The following DHRS3 variants were observed in gnomAD, a reference collection of about 807,000 sequenced individuals.
DHRS3 encodes short-chain dehydrogenase/reductase 3.
Under a neutral mutation model 27.2 loss-of-function variants are expected in DHRS3, and 14 were observed. The ratio of observed to expected loss-of-function variants is 0.52; its 90% CI spans 0.34 to 0.81. The LOEUF is 0.81. Ranked by LOEUF, DHRS3 falls within the 30% of genes least tolerant of loss-of-function variation. DHRS3 has a pLI of 0.01. For missense variants in DHRS3, 322 were observed against 406.2 expected (o/e 0.79, Z 1.78); for synonymous variants, 165 against 175.9 (o/e 0.94, Z 0.49).
Position 12,618,165 on chromosome 1 carries a change from C to T in DHRS3, c.-817G>A, listed in dbSNP as rs995958667. Among the ~76,000 whole-genome samples, 2 of 152,148 alleles carry T rather than the reference C, an allele frequency of 1.3e-5. No individual in the cohort carries two copies. The highest frequency in any genetic ancestry group is 2.1e-4 in the South Asian group (1 of 4,828). The stretch of plus-strand genomic sequence containing the variant: ...TTAGCATTTATTGCCTTCTTTTTGT[C>T]CTTTCCAACTTGGAGAGGGTCCGGG... On this transcript the variant is annotated 5_prime_UTR_variant, in exon 1 of 6. Coordinates refer to ENST00000616661, the MANE Select transcript of DHRS3 (RefSeq NM_004753.7). This position sits in a 1 kb window ranked among gnomAD's most constrained non-coding sequence, Gnocchi z 4.2.
chr1:12,572,644 C>T, intron 5 of DHRS3, 84 bp downstream of exon 5: 1 of 1,537,306 alleles, frequency 6.5e-7, no homozygotes, highest in Non-Finnish European at 8.8e-7. Flanking sequence ...CAGCACTCCT[C>T]ATGCTCATGC....
intron 1 of DHRS3, among the ~76,000 whole-genome samples, chr1:12,611,717 G>T (rs1417299825): frequency 6.6e-6 from 1 of 152,022 alleles, no homozygotes; most frequent in East Asian, 1.9e-4. Flanking sequence ...CGGGATCTTA[G>T]GGATCATTGT....
At chr1:12,615,483 C>A (rs1190089847) in intron 1 of DHRS3, among the ~76,000 whole-genome samples, 2 of 152,214 alleles carry the variant, frequency 1.3e-5, no homozygotes, top group Non-Finnish European at 2.9e-5. Context: ...ACCCACCCCC[C>A]AATGCCATAC....
At position 12,572,776 on chromosome 1, in the gene DHRS3, G is replaced by T. The variant is rs753805002; in HGVS notation, c.776C>A (p.Ala259Asp). ...CATTGTCCATGGGAGGAGGAGGAGG[G>T]CCTGGTTGAGCTGCACAGCTTCCAC... ...RTVEAVQLNQ[A>D]LLLLPWTMHA... The change falls in exon 5 of 6, where the codon GCC becomes GAC. Residue 259 changes from alanine to aspartate, a missense_variant. Coordinates refer to ENST00000616661, the MANE Select transcript of DHRS3 (RefSeq NM_004753.7). The T allele has an allele frequency of 1.9e-6, 3 of 1,611,664 alleles. No individual in the cohort carries two copies. The highest frequency in any genetic ancestry group is 2.5e-6 in the Non-Finnish European group (3 of 1,179,088).
At chr1:12,584,678 C>G (rs1646676743) in intron 1 of DHRS3, among the ~76,000 whole-genome samples, 1 of 152,216 alleles carries the variant, frequency 6.6e-6, no homozygotes, top group Non-Finnish European at 1.5e-5. Context: ...GCCCCAGAAC[C>G]TTCCACTCAA....
chr1:12,609,098 G>A (rs1341335550), intron 1 of DHRS3, among the ~76,000 whole-genome samples: 2 of 152,206 alleles, frequency 1.3e-5, no homozygotes, highest in Non-Finnish European at 2.9e-5. Flanking sequence ...GAGGGGTTAA[G>A]CACTACTGCC....
intron 1 of DHRS3, among the ~76,000 whole-genome samples, chr1:12,606,883 A>G (rs1276702163): frequency 6.6e-6 from 1 of 152,190 alleles, no homozygotes; most frequent in African/African-American, 2.4e-5. Context: ...ATTAACCACT[A>G]CAATCCTGAA....
In DHRS3 at chr1:12,596,959, G is replaced by T. The variant is rs566118923; in HGVS notation, c.196-16293C>A. ...TATTGTGAGAAGCCGGGGTGACGAGGTCTTTGGGGATGAATAGTCCCCCCT... is the reference window on the plus strand; with the variant it reads ...TATTGTGAGAAGCCGGGGTGACGAGTTCTTTGGGGATGAATAGTCCCCCCT... On this transcript the variant is annotated intron_variant, in intron 1 of 5. Coordinates refer to ENST00000616661, the MANE Select transcript of DHRS3 (RefSeq NM_004753.7). Among the ~76,000 whole-genome samples, 5 of 152,196 alleles carry T rather than the reference G, an allele frequency of 3.3e-5. No homozygotes were observed. In the East Asian group the frequency reaches 9.7e-4, roughly 29 times the overall value.
At chr1:12,601,395 G>A (rs901811713) in intron 1 of DHRS3, among the ~76,000 whole-genome samples, 2 of 152,088 alleles carry the variant, frequency 1.3e-5, no homozygotes, top group Non-Finnish European at 2.9e-5. Context: ...TTGAATGGGA[G>A]CTGGAAAGGT....
chr1:12,616,950 C>T (rs1452550018), intron 1 of DHRS3, among the ~76,000 whole-genome samples: 1 of 152,230 alleles, frequency 6.6e-6, no homozygotes, highest in Non-Finnish European at 1.5e-5. Flanking sequence ...AGGAGCGGAT[C>T]AACTCTGAAC....
intron 2 of DHRS3, chr1:12,579,996 C>T (rs1646629580): frequency 5.2e-6 from 1 of 191,816 alleles, no homozygotes; most frequent in East Asian, 1.3e-4. Context: ...AAGAGAACTG[C>T]GTCTCTGAGC....
At chr1:12,585,205 C>CTCTGTGAG (rs1557520037) in intron 1 of DHRS3, among the ~76,000 whole-genome samples, 57 of 16,288 alleles carry the variant, frequency 3.5e-3, no homozygotes, top group Admixed American at 0.013. Flanking sequence ...GTGTGTGTGT[C>CTCTGTGAG]TGTGTATCTC....
At position 12,572,959 on chromosome 1, in the gene DHRS3, C is replaced by G. The variant is rs901288983; in HGVS notation, c.699-106G>C. 3.6e-6 allele frequency: 5 copies of G among 1,398,616 alleles called. No individual in the cohort carries two copies. The South Asian group carries it at 7.6e-5, about 21-fold the overall frequency. 86.6% of individuals were successfully genotyped at this position (1,398,616 alleles called of 1,614,324 possible). On this transcript the variant is annotated intron_variant, in intron 4 of 5. Transcript: ENST00000616661. Reference sequence around the variant, plus strand: ...TGGGTCACCCTTTGGCTTTTCCTGTCTGAGAGATTCGAGGCCTGCTTGGAA... The same window carrying G: ...TGGGTCACCCTTTGGCTTTTCCTGTGTGAGAGATTCGAGGCCTGCTTGGAA...
intron 1 of DHRS3, among the ~76,000 whole-genome samples, chr1:12,609,953 G>A (rs1366123883): frequency 6.6e-6 from 1 of 152,016 alleles, no homozygotes; most frequent in South Asian, 2.1e-4. Flanking sequence ...GTCTTTCCTC[G>A]TGTCTCCTTC....
At position 12,574,728 on chromosome 1, in the gene DHRS3, G is replaced by C. The variant is rs886114359; in HGVS notation, c.699-1875C>G. Reference sequence around the variant, plus strand: ...CCTGCCAGGGAAGCCGACAGAGGAGGCCTCAAGCACGTCTGTGCGCAGGAT... The same window carrying C: ...CCTGCCAGGGAAGCCGACAGAGGAGCCCTCAAGCACGTCTGTGCGCAGGAT... On this transcript the variant is annotated intron_variant, in intron 4 of 5. Transcript: ENST00000616661. The surrounding 1 kb of genome is among the most constrained non-coding windows in gnomAD (Gnocchi z 4.6). Among the ~76,000 whole-genome samples the C allele has an allele frequency of 6.6e-6, 1 of 152,336 alleles. No individual in the cohort carries two copies. The highest frequency in any genetic ancestry group is 2.1e-4 in the South Asian group (1 of 4,828).
At position 12,580,390 on chromosome 1, in the gene DHRS3, C is replaced by A. The variant is rs947895160; in HGVS notation, c.339+133G>T. 8 of 1,259,836 alleles carry A rather than the reference C, an allele frequency of 6.4e-6. No homozygotes were observed. In the African/African-American group the frequency reaches 1.0e-4, roughly 16 times the overall value. The allele number at this position is 1,259,836 out of a possible 1,614,324, so 78.0% of individuals were successfully genotyped here. A position where few individuals can be genotyped will look rare whatever the true frequency, so the allele number is the denominator to read the frequency against. On this transcript the variant is annotated intron_variant, in intron 2 of 5. Coordinates refer to ENST00000616661, the MANE Select transcript of DHRS3 (RefSeq NM_004753.7). Reference sequence around the variant, plus strand: ...ACTGGGGCCAGCTTCATGGGAGAGTCCCCAAAGGTGCCCCGGGCAAAGCCA... The same window carrying A: ...ACTGGGGCCAGCTTCATGGGAGAGTACCCAAAGGTGCCCCGGGCAAAGCCA...
At chr1:12,580,763 T>G in intron 1 of DHRS3, 97 bp from the exon 2 acceptor site, 1 of 1,381,622 alleles carries the variant, frequency 7.2e-7, no homozygotes, top group East Asian at 2.3e-5. Context: ...TCATTTGTCT[T>G]GAAATGACTG....
chr1:12,614,282 G>C (rs902676512), intron 1 of DHRS3, among the ~76,000 whole-genome samples: 1 of 152,156 alleles, frequency 6.6e-6, no homozygotes, highest in African/African-American at 2.4e-5. Flanking sequence ...ACTGGAGCCG[G>C]GGCTGACCAC....
In DHRS3 at chr1:12,590,131, C is replaced by CG. The variant is rs544693702; in HGVS notation, c.196-9466dup. 9.9e-5 allele frequency among the ~76,000 whole-genome samples: 15 copies of CG among 151,748 alleles called. No individual in the cohort carries two copies. The South Asian group carries it at 3.1e-3, about 32-fold the overall frequency. ...AACTGTCCACCTGCAGAGCAAGCTG[C>CG]GGGGGGATTTCTTAGGGAGGAGAGG... On this transcript the variant is annotated intron_variant, in intron 1 of 5. Coordinates refer to ENST00000616661, the MANE Select transcript of DHRS3 (RefSeq NM_004753.7).
Sources: gnomAD v4.1 joint callset for allele counts (sites outside exome capture counted in the v4.1 genomes callset) on GRCh38, gnomAD v4.1.1 for gene constraint, Gnocchi (gnomAD v3.1) non-coding constraint, MANE v1.5 for transcripts, NCBI Gene and HGNC (gene_info 2026-07-23, HGNC 2026-07-21) for gene names.